The following SLC25A13 variants were observed in gnomAD, a reference collection of about 807,000 sequenced individuals.
SLC25A13 encodes the protein electrogenic aspartate/glutamate antiporter SLC25A13, mitochondrial.
Under a neutral mutation model 85.5 loss-of-function variants are expected in SLC25A13, and 70 were observed. That is an observed-to-expected ratio of 0.82 (90% CI 0.68 to 1.00). SLC25A13 has a LOEUF of 1.00. Among genes scored for constraint, SLC25A13 ranks in the 50% least tolerant of loss-of-function variants. The pLI, the probability that SLC25A13 is intolerant of heterozygous loss-of-function variation, is 0.00. For missense variants in SLC25A13, 765 were observed against 819.8 expected (o/e 0.93, Z 0.82); for synonymous variants, 259 against 288.7 (o/e 0.90, Z 1.04).
chr7:96,274,765 A>T (rs1430319353), intron 3 of SLC25A13, among the ~76,000 whole-genome samples: 1 of 152,218 alleles, frequency 6.6e-6, no homozygotes, highest in African/African-American at 2.4e-5. Context: ...CTAAATAGGG[A>T]ATCCTTTCGC....
At chr7:96,178,857 A>ACTAT (rs1423782156) in intron 11 of SLC25A13, among the ~76,000 whole-genome samples, 1 of 152,014 alleles carries the variant, frequency 6.6e-6, no homozygotes, top group Non-Finnish European at 1.5e-5. Context: ...TCCCAACTAC[A>ACTAT]CTATCGCCTT....
At chr7:96,206,052 G>C (rs1379497506) in intron 5 of SLC25A13, among the ~76,000 whole-genome samples, 2 of 152,144 alleles carry the variant, frequency 1.3e-5, no homozygotes, top group East Asian at 3.8e-4. Flanking sequence ...ACCAACCTGA[G>C]CTATCTTCTA....
At chr7:96,187,063 T>C (rs907464835) in intron 9 of SLC25A13, among the ~76,000 whole-genome samples, 5 of 152,226 alleles carry the variant, frequency 3.3e-5, no homozygotes, top group Non-Finnish European at 7.3e-5. Context: ...TCTTTTGACC[T>C]ATTATCCTCA....
chr7:96,299,049 T>C (rs143317270), intron 1 of SLC25A13, among the ~76,000 whole-genome samples: 1 of 152,348 alleles, frequency 6.6e-6, no homozygotes, highest in Admixed American at 6.5e-5. Flanking sequence ...CCTAAGTTCT[T>C]AACTGTTTTC....
At chr7:96,252,963 A>G (rs1797492016) in intron 3 of SLC25A13, among the ~76,000 whole-genome samples, 1 of 152,128 alleles carries the variant, frequency 6.6e-6, no homozygotes, top group Non-Finnish European at 1.5e-5. Flanking sequence ...GCATGGTGCC[A>G]TGCTCCTGTT....
intron 3 of SLC25A13, among the ~76,000 whole-genome samples, chr7:96,253,100 G>GA (rs1437756678): frequency 6.6e-6 from 1 of 152,088 alleles, no homozygotes; most frequent in Admixed American, 6.6e-5. Context: ...TCTCAAAAAA[G>GA]AATCAATGGG....
chr7:96,127,146 T>C (rs1331849076), intron 15 of SLC25A13, among the ~76,000 whole-genome samples: 2 of 152,242 alleles, frequency 1.3e-5, no homozygotes, highest in South Asian at 2.1e-4. Context: ...TCATCTGGTA[T>C]GATAGAGCAT....
rs1357894664 is a variant in SLC25A13 at position 96,191,077 on chromosome 7, G to A, written c.754+32C>T. ...CTAATAATAATACACCACAATACTT[G>A]CAGGCTAGAATTCAGATATATTCTC... is the stretch of plus-strand genomic sequence containing the variant. On this transcript the variant is annotated intron_variant, in intron 7 of 17. Transcript: ENST00000265631. 4 of 1,612,960 alleles carry A rather than the reference G, an allele frequency of 2.5e-6. No individual in the cohort carries two copies. In the South Asian group the frequency reaches 4.4e-5, roughly 18 times the overall value.
intron 5 of SLC25A13, among the ~76,000 whole-genome samples, chr7:96,200,315 C>A (rs1795205452): frequency 6.6e-6 from 1 of 151,070 alleles, no homozygotes; most frequent in South Asian, 2.1e-4. Flanking sequence ...AATACCATAT[C>A]ACATTTAGCC....
At chr7:96,278,397 G>A (rs910173595) in intron 2 of SLC25A13, among the ~76,000 whole-genome samples, 34 of 152,298 alleles carry the variant, frequency 2.2e-4, no homozygotes, top group African/African-American at 1.2e-4. Context: ...GATTAAAACT[G>A]TTTTTAAAAG....
intron 13 of SLC25A13, among the ~76,000 whole-genome samples, chr7:96,152,719 G>T (rs914154131): frequency 6.6e-6 from 1 of 152,166 alleles, no homozygotes; most frequent in African/African-American, 2.4e-5. Context: ...AAGAAAAATG[G>T]AAAGTGGCGA....
At chr7:96,286,383 G>A (rs1238910684) in intron 2 of SLC25A13, among the ~76,000 whole-genome samples, 1 of 151,646 alleles carries the variant, frequency 6.6e-6, no homozygotes, top group South Asian at 2.1e-4. Flanking sequence ...TGTGCCCCGA[G>A]CCAGCCCAAG....
chr7:96,137,817 G>T (rs927068612), intron 14 of SLC25A13, among the ~76,000 whole-genome samples: 2 of 152,114 alleles, frequency 1.3e-5, no homozygotes, highest in African/African-American at 2.4e-5. Flanking sequence ...TAGAGATGGG[G>T]TTTCAACATG....
In SLC25A13 at chr7:96,193,024, A is replaced by G. The variant is rs376698324; in HGVS notation, c.615+13T>C. The G allele has an allele frequency of 2.4e-5, 38 of 1,613,850 alleles. No homozygotes were observed. The highest frequency in any genetic ancestry group is 2.8e-5 in the Non-Finnish European group (33 of 1,179,900). On this transcript the variant is annotated intron_variant, in intron 6 of 17. Transcript: ENST00000265631. ...TGAGTTAAACCACTTCATTAGGGCA[A>G]GTTACAACTTACAGCTACTAGACAT...
At position 96,191,133 on chromosome 7, in the gene SLC25A13, T is replaced by C. The variant is rs1317486094; in HGVS notation, c.730A>G (p.Arg244Gly). 2 of 1,614,020 alleles carry C rather than the reference T, an allele frequency of 1.2e-6. No individual in the cohort carries two copies. The highest frequency in any genetic ancestry group is 2.7e-5 in the African/African-American group (2 of 74,944). Residue 244 changes from arginine (R) to glycine (G), a missense_variant, in exon 7 of 18, where the codon AGG becomes GGG. Transcript: ENST00000265631. ...RKIYSTLAGT[R>G]KDVEVTKEEF... Reference sequence around the variant, plus strand: ...CCCTTAGTCACTTCAACATCTTTCCTGGTGCCAGCCAGAGTGCTATAGATC... The same window carrying C: ...CCCTTAGTCACTTCAACATCTTTCCCGGTGCCAGCCAGAGTGCTATAGATC...
intron 3 of SLC25A13, among the ~76,000 whole-genome samples, chr7:96,274,829 C>T (rs540738807): frequency 3.9e-4 from 60 of 152,192 alleles, no homozygotes; most frequent in African/African-American, 1.4e-3. Context: ...AGATATGCAG[C>T]ATTATTTCTG....
chr7:96,228,875 T>C lies in SLC25A13; in HGVS notation c.328+5927A>G, dbSNP rs139759968. Among the ~76,000 whole-genome samples, 1,515 of 152,284 alleles carry C rather than the reference T, an allele frequency of 9.9e-3. 25 individuals are homozygous for C. The highest frequency in any genetic ancestry group is 0.035 in the African/African-American group (1,452 of 41,566). On this transcript the variant is annotated intron_variant, in intron 4 of 17. Transcript: ENST00000265631. ...ATGCCAGCAGCTGTGGAGGGTGTGC[T>C]GGGTCCCCCAGCACTCCTGGCCCAC... is the stretch of plus-strand genomic sequence containing the variant.
chr7:96,314,410 T>C (rs973740350), intron 1 of SLC25A13, among the ~76,000 whole-genome samples: 1 of 152,110 alleles, frequency 6.6e-6, no homozygotes, highest in African/African-American at 2.4e-5. Context: ...AAACAGGCCA[T>C]GAAAATAGAG....
chr7:96,198,024 A>G (rs142634580), intron 5 of SLC25A13, among the ~76,000 whole-genome samples: 75 of 152,356 alleles, frequency 4.9e-4, no homozygotes, highest in African/African-American at 1.7e-3. Context: ...GACACCAGAA[A>G]TACGTGTTCA....
Sources: gnomAD v4.1 joint callset for allele counts (sites outside exome capture counted in the v4.1 genomes callset) on GRCh38, gnomAD v4.1.1 for gene constraint, MANE v1.5 for transcripts, NCBI Gene and HGNC (gene_info 2026-07-23, HGNC 2026-07-21) for gene names.